The following RABGAP1L variants were observed in gnomAD, a reference collection of about 807,000 sequenced individuals.
RABGAP1L encodes RAB GTPase activating protein 1 like, also known as rab GTPase-activating protein 1-like.
RABGAP1L carries 63 observed loss-of-function variants against 137.7 expected under a neutral mutation model. The ratio of observed to expected loss-of-function variants is 0.46; its 90% confidence interval spans 0.37 to 0.56. The LOEUF (loss-of-function observed/expected upper bound fraction) is 0.56, where lower values mean the gene tolerates loss of function less well. RABGAP1L is among the 20% of genes least tolerant of loss of function. The pLI is 0.00. For synonymous variants in RABGAP1L, 431 were observed against 433.7 expected, an observed-to-expected ratio of 0.99 and a Z score of 0.08; for missense variants, 1,095 against 1,244.0, an observed-to-expected ratio of 0.88 and a Z score of 1.80.
chr1:174,526,738 T>C (rs1414708880), intron 13 of RABGAP1L, among the ~76,000 whole-genome samples: 2 of 152,118 alleles, frequency 1.3e-5, no homozygotes, highest in Non-Finnish European at 2.9e-5. Flanking sequence ...AGTCTAGCTC[T>C]AGTGGTTTAT....
At position 174,394,217 on chromosome 1, in the gene RABGAP1L, C is replaced by T. The variant is rs954972397; in HGVS notation, c.1710+72C>T. On this transcript the variant is annotated intron_variant, in intron 13 of 25. Transcript: ENST00000681986. ...AATAAATCCTAGTTTTCATAGCTCC[C>T]ATAAGTCATAAATGCTTTGAACTTC... 7.2e-6 allele frequency: 11 copies of T among 1,527,496 alleles called. No homozygotes were observed. In the African/African-American group the frequency reaches 1.5e-4, roughly 21 times the overall value. The allele number at this position is 1,527,496 out of a possible 1,614,324, so 94.6% of individuals were successfully genotyped here.
chr1:174,738,443 G>A (rs113094021), intron 17 of RABGAP1L, among the ~76,000 whole-genome samples: 2,170 of 152,250 alleles, frequency 0.014, 28 homozygotes, highest in Middle Eastern at 0.027. Context: ...CTCTTACCTT[G>A]TAAAATATAT....
chr1:174,458,105 A>G lies in RABGAP1L; in HGVS notation c.1710+63960A>G, dbSNP rs936464495. ...GAGCACTTAGACTACAAGGGGCTAT[A>G]TGGACTTTATATGGATAACTATAGG... On this transcript the variant is annotated intron_variant, in intron 13 of 25. Transcript: ENST00000681986. Among the ~76,000 whole-genome samples, 38 of 152,130 alleles carry G rather than the reference A, an allele frequency of 2.5e-4. 1 individual carries two copies. The highest frequency in any genetic ancestry group is 5.9e-5 in the Non-Finnish European group (4 of 68,016).
intron 7 of RABGAP1L, among the ~76,000 whole-genome samples, chr1:174,264,197 T>G (rs1673844098): frequency 6.6e-6 from 1 of 152,142 alleles, no homozygotes; most frequent in South Asian, 2.1e-4. Context: ...TTACTCATTC[T>G]TTTTATTTCC....
chr1:174,720,607 G>A (rs183649689), intron 17 of RABGAP1L, among the ~76,000 whole-genome samples: 2 of 152,134 alleles, frequency 1.3e-5, no homozygotes, highest in African/African-American at 2.4e-5. Context: ...TGAGCCACCG[G>A]TCCCGGCTGG....
chr1:174,277,328 C>T (rs954084834), intron 9 of RABGAP1L, among the ~76,000 whole-genome samples: 6 of 151,840 alleles, frequency 4.0e-5, no homozygotes, highest in Admixed American at 1.3e-4. Context: ...TATACTTGTT[C>T]AGAAGGAAGC....
At chr1:174,599,057 C>G (rs1670217661) in intron 13 of RABGAP1L, among the ~76,000 whole-genome samples, 1 of 149,692 alleles carries the variant, frequency 6.7e-6, no homozygotes, top group Non-Finnish European at 1.5e-5. Flanking sequence ...GTTCTCCTCT[C>G]TGATGGTGTT....
chr1:174,566,283 T>C (rs185460519), intron 13 of RABGAP1L, among the ~76,000 whole-genome samples: 1 of 152,262 alleles, frequency 6.6e-6, no homozygotes, highest in African/African-American at 2.4e-5. Context: ...TGGAGAGCTG[T>C]AGTTTCACCT....
At chr1:174,437,444 C>T (rs1010632742) in intron 13 of RABGAP1L, among the ~76,000 whole-genome samples, 4 of 151,958 alleles carry the variant, frequency 2.6e-5, no homozygotes, top group African/African-American at 7.3e-5. Context: ...GTAACCGATT[C>T]GATCAACTGG....
chr1:174,525,973 G>T (rs1226377749), intron 13 of RABGAP1L, among the ~76,000 whole-genome samples: 1 of 151,968 alleles, frequency 6.6e-6, no homozygotes, highest in African/African-American at 2.4e-5. Flanking sequence ...TGGATCTCTG[G>T]TATAAACTCC....
intron 19 of RABGAP1L, among the ~76,000 whole-genome samples, chr1:174,937,619 A>AAAATATATATATATATATATAT (rs1665076991): frequency 9.1e-6 from 1 of 109,646 alleles, no homozygotes; most frequent in African/African-American, 5.0e-5. Context: ...TACTTCATTA[A>AAAATATATATATATATATATAT]ATATATATAT....
intron 13 of RABGAP1L, among the ~76,000 whole-genome samples, chr1:174,435,081 G>C (rs892041402): frequency 6.6e-6 from 1 of 152,060 alleles, no homozygotes; most frequent in African/African-American, 2.4e-5. Flanking sequence ...GAGTGTGTTG[G>C]CATGACCATA....
chr1:174,753,330 A>G (rs900428331), intron 18 of RABGAP1L, among the ~76,000 whole-genome samples: 4 of 152,156 alleles, frequency 2.6e-5, no homozygotes, highest in Non-Finnish European at 2.9e-5. Context: ...TCAAAAGATA[A>G]TGATGTGGTA....
chr1:174,777,827 T>G (rs551988281), intron 18 of RABGAP1L, among the ~76,000 whole-genome samples: 1 of 152,126 alleles, frequency 6.6e-6, no homozygotes, highest in East Asian at 1.9e-4. Context: ...ACATAGCAAT[T>G]GAAACTATTC....
At chr1:174,724,746 A>G (rs1197477681) in intron 17 of RABGAP1L, among the ~76,000 whole-genome samples, 1 of 152,216 alleles carries the variant, frequency 6.6e-6, no homozygotes, top group East Asian at 1.9e-4. Context: ...CAAAAAATAT[A>G]TATGACTATA....
chr1:174,393,699 A>T (rs1647446388), intron 12 of RABGAP1L, among the ~76,000 whole-genome samples: 1 of 152,182 alleles, frequency 6.6e-6, no homozygotes, highest in Non-Finnish European at 1.5e-5. Flanking sequence ...GCAATATATA[A>T]CTAACACGTT....
intron 13 of RABGAP1L, among the ~76,000 whole-genome samples, chr1:174,457,412 T>C (rs1396590262): frequency 6.6e-6 from 1 of 151,984 alleles, no homozygotes; most frequent in Non-Finnish European, 1.5e-5. Flanking sequence ...GACAATAATA[T>C]TAACATGGGT....
intron 13 of RABGAP1L, among the ~76,000 whole-genome samples, chr1:174,504,007 C>G (rs1661585971): frequency 6.7e-6 from 1 of 148,608 alleles, no homozygotes; most frequent in African/African-American, 2.5e-5. Flanking sequence ...AGGTCTGGCT[C>G]TGTTACTTAG....
chr1:174,387,470 C>T (rs1686889617), intron 12 of RABGAP1L, among the ~76,000 whole-genome samples: 1 of 151,954 alleles, frequency 6.6e-6, no homozygotes, highest in Admixed American at 6.6e-5. Context: ...AATGAAGTCT[C>T]ATGTGCCCAC....
Sources: gnomAD v4.1 joint callset for allele counts (sites outside exome capture counted in the v4.1 genomes callset) on GRCh38, gnomAD v4.1.1 for gene constraint, MANE v1.5 for transcripts, NCBI Gene and HGNC (gene_info 2026-07-23, HGNC 2026-07-21) for gene names.